The following IQCM variants were observed in gnomAD, a reference collection of about 807,000 sequenced individuals.
IQCM encodes the protein IQ domain-containing protein M.
Under a neutral mutation model 57.6 loss-of-function variants are expected in IQCM, and 45 were observed. The ratio of observed to expected loss-of-function variants is 0.78; its 90% CI spans 0.62 to 1.00. The LOEUF is 1.00. Ranked by LOEUF, IQCM falls within the 50% of genes least tolerant of loss-of-function variation. The pLI, the probability that IQCM is intolerant of heterozygous loss-of-function variation, is 0.00. For missense variants in IQCM, 468 were observed against 511.6 expected (o/e 0.91, Z 0.82); for synonymous variants, 148 against 158.9 (o/e 0.93, Z 0.51).
chr4:149,480,504 G>A, intron 12 of IQCM, among the ~76,000 whole-genome samples: 1 of 152,062 alleles, frequency 6.6e-6, no homozygotes, highest in Non-Finnish European at 1.5e-5. Context: ...AAATAAGTGA[G>A]AACACGCAAT....
intron 7 of IQCM, among the ~76,000 whole-genome samples, chr4:149,650,406 T>G (rs1342503355): frequency 1.9e-5 from 1 of 52,096 alleles, no homozygotes; most frequent in Non-Finnish European, 4.5e-5. Context: ...ATTTCTGGGT[T>G]TTTTTTTTTT....
At chr4:149,571,935 G>A (rs745729209) in intron 9 of IQCM, among the ~76,000 whole-genome samples, 7 of 151,898 alleles carry the variant, frequency 4.6e-5, no homozygotes, top group Non-Finnish European at 1.0e-4. Context: ...ACAATCAAGG[G>A]GAATAAGCAC....
At chr4:149,799,379 G>C (rs1773401458) in intron 2 of IQCM, among the ~76,000 whole-genome samples, 1 of 151,400 alleles carries the variant, frequency 6.6e-6, no homozygotes, top group Non-Finnish European at 1.5e-5. Flanking sequence ...ATATGTGCCT[G>C]CATCAAAAAG....
chr4:149,773,317 A>G (rs952808473), intron 2 of IQCM, among the ~76,000 whole-genome samples: 2 of 151,298 alleles, frequency 1.3e-5, no homozygotes, highest in Non-Finnish European at 2.9e-5. Flanking sequence ...GTGCCACTGC[A>G]CTCCAGCCTG....
intron 12 of IQCM, among the ~76,000 whole-genome samples, chr4:149,494,095 T>C (rs1269728677): frequency 6.6e-6 from 1 of 151,948 alleles, no homozygotes; most frequent in African/African-American, 2.4e-5. Flanking sequence ...ATAAAAACTC[T>C]TGTCCAAACA....
At chr4:149,533,497 T>C (rs771264037) in intron 12 of IQCM, among the ~76,000 whole-genome samples, 7 of 152,110 alleles carry the variant, frequency 4.6e-5, no homozygotes, top group Non-Finnish European at 1.0e-4. Context: ...CCTATTTGTA[T>C]TGGACTGTTC....
chr4:149,777,301 C>T (rs1437583571), intron 2 of IQCM, among the ~76,000 whole-genome samples: 2 of 152,182 alleles, frequency 1.3e-5, no homozygotes, highest in Non-Finnish European at 2.9e-5. Flanking sequence ...CATTCACTCT[C>T]AGAGCATTCA....
intron 5 of IQCM, among the ~76,000 whole-genome samples, chr4:149,698,942 T>C (rs1020771920): frequency 1.3e-5 from 2 of 152,028 alleles, no homozygotes; most frequent in African/African-American, 4.8e-5. Flanking sequence ...AAATGATACA[T>C]GCAAAGTCTT....
chr4:149,458,003 CAAAG>C (rs1445155715), intron 12 of IQCM, among the ~76,000 whole-genome samples: 1 of 151,656 alleles, frequency 6.6e-6, no homozygotes, highest in Non-Finnish European at 1.5e-5. Context: ...CTTTGTTCAA[CAAAG>C]TTGAACATAA....
chr4:149,562,350 G>A (rs1012235263), intron 10 of IQCM, among the ~76,000 whole-genome samples: 3 of 152,198 alleles, frequency 2.0e-5, no homozygotes, highest in African/African-American at 7.2e-5. Context: ...TTCAACAAAT[G>A]TCATGAAAGT....
intron 12 of IQCM, among the ~76,000 whole-genome samples, chr4:149,451,603 TG>T (rs1737129105): frequency 1.3e-5 from 2 of 151,728 alleles, no homozygotes; most frequent in African/African-American, 4.8e-5. Flanking sequence ...AAAGAGCAAT[TG>T]ATAGAAAATT....
chr4:149,587,433 C>T (rs1752741973), intron 9 of IQCM, among the ~76,000 whole-genome samples: 1 of 151,754 alleles, frequency 6.6e-6, no homozygotes, highest in Non-Finnish European at 1.5e-5. Context: ...CAATCTCACG[C>T]TCTAATCTCT....
chr4:149,621,197 G>A lies in IQCM; in HGVS notation c.613C>T (p.Arg205Cys), dbSNP rs554341030. The change falls in exon 8 of 14, where the codon CGT becomes TGT. Residue 205 changes from arginine (R) to cysteine (C), a missense_variant. Arg to Cys is a radical substitution (Grantham distance 180). Transcript: ENST00000636793. ...ACTCGACGGGAGTCACAAGCCAAAC[G>A]GAAAGACCTTGTCAGCACAAATCCT... ...WRGFVLTRSF[R>C]LACDSRRVSF... The A allele has an allele frequency of 1.1e-5, 14 of 1,231,802 alleles. No individual in the cohort carries two copies. The highest frequency in any genetic ancestry group is 8.4e-5 in the Admixed American group (2 of 23,696). 76.3% of individuals were successfully genotyped at this position (1,231,802 alleles called of 1,614,324 possible).
chr4:149,441,898 T>C (rs1314982925), intron 12 of IQCM, among the ~76,000 whole-genome samples: 1 of 152,090 alleles, frequency 6.6e-6, no homozygotes, highest in Non-Finnish European at 1.5e-5. Flanking sequence ...ATGGGTGGGA[T>C]TAATGCCCTA....
At chr4:149,556,365 T>C (rs893003160) in intron 10 of IQCM, among the ~76,000 whole-genome samples, 1 of 152,016 alleles carries the variant, frequency 6.6e-6, no homozygotes, top group Non-Finnish European at 1.5e-5. Flanking sequence ...TGACCCTTAG[T>C]AGGACTTAAT....
chr4:149,724,698 G>A (rs1332242920), intron 5 of IQCM, among the ~76,000 whole-genome samples: 1 of 152,046 alleles, frequency 6.6e-6, no homozygotes, highest in African/African-American at 2.4e-5. Context: ...AAATCTTGTT[G>A]AGCTTAATTA....
At chr4:149,489,440 T>A (rs1741857478) in intron 12 of IQCM, among the ~76,000 whole-genome samples, 1 of 152,042 alleles carries the variant, frequency 6.6e-6, no homozygotes, top group African/African-American at 2.4e-5. Context: ...TTCAGTGAGG[T>A]ATAGAAACTC....
intron 3 of IQCM, among the ~76,000 whole-genome samples, chr4:149,736,232 C>A (rs1300601261): frequency 6.6e-6 from 1 of 151,888 alleles, no homozygotes; most frequent in Non-Finnish European, 1.5e-5. Context: ...ACAGGTGTGA[C>A]CGAAAGCACC....
intron 12 of IQCM, among the ~76,000 whole-genome samples, chr4:149,448,756 A>T (rs2111385503): frequency 6.6e-6 from 1 of 151,940 alleles, no homozygotes; most frequent in African/African-American, 2.4e-5. Context: ...ATTCTTTGAA[A>T]GACACCAATT....
Sources: gnomAD v4.1 joint callset for allele counts (sites outside exome capture counted in the v4.1 genomes callset) on GRCh38, gnomAD v4.1.1 for gene constraint, MANE v1.5 for transcripts, NCBI Gene and HGNC (gene_info 2026-07-23, HGNC 2026-07-21) for gene names.